Variants in ARHGEF7 observed in about 807,000 individuals in gnomAD.
ARHGEF7 encodes Rho guanine nucleotide exchange factor 7, also known as PAK-interacting exchange factor beta.
ARHGEF7 carries 33 observed loss-of-function variants against 109.8 expected under a neutral mutation model. The ratio of observed to expected loss-of-function variants is 0.30; its 90% CI spans 0.23 to 0.40. The LOEUF is 0.40. ARHGEF7 is among the 10% of genes least tolerant of loss of function. The pLI is 1.00. For synonymous variants in ARHGEF7, 458 were observed against 424.6 expected (o/e 1.08, Z -0.97); for missense variants, 938 against 1,098.5 (o/e 0.85, Z 2.07).
chr13:111,128,986 G>A (rs1327277602), intron 1 of ARHGEF7, among the ~76,000 whole-genome samples: 2 of 152,188 alleles, frequency 1.3e-5, no homozygotes, highest in African/African-American at 2.4e-5. Context: ...AACAGTAATG[G>A]AGTCAGCACA....
At position 111,301,537 on chromosome 13, in the gene ARHGEF7, G is replaced by C; in HGVS notation, c.2466+5G>C. The C allele has an allele frequency of 6.2e-7, 1 of 1,600,680 alleles. No individual in the cohort carries two copies. Among genetic ancestry groups the C allele is most frequent in the Non-Finnish European group, 8.5e-7 (1 of 1,170,008 alleles). On this transcript the variant is annotated splice_donor_5th_base_variant and intron_variant, in intron 21 of 21. Coordinates refer to ENST00000646102, the MANE Select transcript of ARHGEF7 (RefSeq NM_001354046.2). ...GAAGTTCAAGAATTAAGACAGGTAC[G>C]TCATAATCCATCTTTAAATCTTTTT...
At chr13:111,165,445 C>T (rs984028376) in intron 2 of ARHGEF7, among the ~76,000 whole-genome samples, 9 of 152,322 alleles carry the variant, frequency 5.9e-5, no homozygotes, top group African/African-American at 2.2e-4. Flanking sequence ...CAGCACTTAA[C>T]ACGTGCAGTA....
chr13:111,139,801 T>C (rs1359779315), intron 1 of ARHGEF7, among the ~76,000 whole-genome samples: 3 of 152,214 alleles, frequency 2.0e-5, no homozygotes, highest in Non-Finnish European at 4.4e-5. Flanking sequence ...AACTGAGCCA[T>C]GGGCCTGCAG....
intron 19 of ARHGEF7, among the ~76,000 whole-genome samples, chr13:111,297,779 A>G (rs763259610): frequency 6.6e-6 from 1 of 152,228 alleles, no homozygotes; most frequent in Non-Finnish European, 1.5e-5. Flanking sequence ...TTTCTTTACA[A>G]AGTTGACATT....
intron 2 of ARHGEF7, among the ~76,000 whole-genome samples, chr13:111,196,510 A>G (rs2080519904): frequency 6.6e-6 from 1 of 152,106 alleles, no homozygotes; most frequent in Non-Finnish European, 1.5e-5. Context: ...TCATCTGAAA[A>G]CTTCCCCAGG....
At chr13:111,154,537 C>T (rs1336790097) in intron 2 of ARHGEF7, among the ~76,000 whole-genome samples, 1 of 152,144 alleles carries the variant, frequency 6.6e-6, no homozygotes, top group Non-Finnish European at 1.5e-5. Context: ...TTTTTCCGTA[C>T]CCTCAACACT....
chr13:111,215,838 G>A (rs1471553753), intron 4 of ARHGEF7, among the ~76,000 whole-genome samples: 3 of 152,056 alleles, frequency 2.0e-5, no homozygotes, highest in Non-Finnish European at 2.9e-5. Flanking sequence ...CCTCTGAGCC[G>A]CCTTCCATTG....
chr13:111,267,544 C>G lies in ARHGEF7; in HGVS notation c.951-4C>G. 3 of 1,613,818 alleles carry G rather than the reference C, an allele frequency of 1.9e-6. No homozygotes were observed. Among genetic ancestry groups the G allele is most frequent in the Non-Finnish European group, 2.5e-6 (3 of 1,179,818 alleles). Reference sequence around the variant, plus strand: ...CTATTTCCCTTTGTGTCGCATTTCTCCAGGTTGCCCGAAGCTCAGCAGAGA... The same window carrying G: ...CTATTTCCCTTTGTGTCGCATTTCTGCAGGTTGCCCGAAGCTCAGCAGAGA... On this transcript the variant is annotated splice_region_variant and splice_polypyrimidine_tract_variant and intron_variant, in intron 8 of 21. Transcript: ENST00000646102.
chr13:111,300,405 A>C (rs2093537675), intron 19 of ARHGEF7, among the ~76,000 whole-genome samples: 1 of 152,196 alleles, frequency 6.6e-6, no homozygotes, highest in South Asian at 2.1e-4. Context: ...AAACTCTTGG[A>C]ATAATGGCTC....
At chr13:111,142,175 TTAA>T (rs2153359371) in intron 1 of ARHGEF7, among the ~76,000 whole-genome samples, 1 of 152,374 alleles carries the variant, frequency 6.6e-6, no homozygotes, top group East Asian at 1.9e-4. Flanking sequence ...AGTTGTTTTA[TTAA>T]TGAGTTTTAA....
intron 2 of ARHGEF7, among the ~76,000 whole-genome samples, chr13:111,155,212 G>T (rs1291145622): frequency 6.6e-6 from 1 of 152,178 alleles, no homozygotes; most frequent in African/African-American, 2.4e-5. Context: ...AACTGTATAT[G>T]AAAGCATCTT....
intron 1 of ARHGEF7, among the ~76,000 whole-genome samples, chr13:111,121,941 G>A (rs831155): frequency 0.16 from 23,990 of 152,204 alleles, 2,508 homozygotes; most frequent in African/African-American, 0.3. Flanking sequence ...TCCTCAGTAC[G>A]CAGTAGTTAC....
At chr13:111,287,824 T>C (rs2093087767) in intron 17 of ARHGEF7, among the ~76,000 whole-genome samples, 1 of 152,338 alleles carries the variant, frequency 6.6e-6, no homozygotes, top group East Asian at 1.9e-4. Flanking sequence ...TCCGGTTCCA[T>C]AGACAAGATG....
chr13:111,280,406 CCCGCGTG>C lies in ARHGEF7; in HGVS notation c.1585+58_1585+64del. 2.5e-6 allele frequency: 4 copies of C among 1,588,714 alleles called. No homozygotes were observed. In the South Asian group the frequency reaches 4.5e-5, roughly 18 times the overall value. ...TCTCGGGGAGGAGAGGCAGCTTGTC[CCCGCGTG>C]CAGATTCTTGCTTGCGTATTTCAGA... On this transcript the variant is annotated intron_variant, in intron 14 of 21. Transcript: ENST00000646102.
chr13:111,151,215 A>C (rs963624154), intron 1 of ARHGEF7, among the ~76,000 whole-genome samples: 8 of 152,206 alleles, frequency 5.3e-5, no homozygotes, highest in African/African-American at 1.9e-4. Context: ...CAGCATTGAA[A>C]ACCTGCTCTT....
intron 2 of ARHGEF7, chr13:111,202,956 C>G (rs1044816508): frequency 1.8e-6 from 1 of 570,964 alleles, no homozygotes; most frequent in Non-Finnish European, 2.6e-6. Context: ...CACTTAAACT[C>G]TGATGTCATA....
Position 111,292,258 on chromosome 13 carries a change from T to C in ARHGEF7, c.2275T>C (p.Trp759Arg), listed in dbSNP as rs1660752156. ...LSEDSDYDSI[W>R]TAHSYRMGST... ...GGAAGACTCTGACTATGACAGTATA[T>C]GGACAGCCCATAGTTACAGAATGGG... The change falls in exon 19 of 22, where the codon TGG (tryptophan) becomes CGG (arginine). Residue 759 changes from tryptophan (W) to arginine (R), a missense_variant. By Grantham distance (101) the Trp-to-Arg change is moderately radical (BLOSUM62 -3). This residue lies in a region of ARHGEF7 where 166 missense variants were observed against 167.3 expected (regional missense o/e 0.99). Transcript: ENST00000646102. The C allele has an allele frequency of 1.9e-6, 3 of 1,614,136 alleles. No homozygotes were observed. Among genetic ancestry groups the C allele is most frequent in the African/African-American group, 2.7e-5 (2 of 74,954 alleles).
At chr13:111,224,154 G>A (rs570115728) in intron 5 of ARHGEF7, among the ~76,000 whole-genome samples, 118 of 152,296 alleles carry the variant, frequency 7.7e-4, no homozygotes, top group African/African-American at 2.7e-3. Context: ...CGCAGCCAGC[G>A]TCTACAGCAT....
rs1056644636 is a variant in ARHGEF7 at position 111,272,623 on chromosome 13, G to A, written c.1074-1191G>A. Reference sequence around the variant, plus strand: ...ACTAGAGACCCCTATCTTCTAGGATGGGGCGTGGTGATGGGGCGGGGGTCA... The same window carrying A: ...ACTAGAGACCCCTATCTTCTAGGATAGGGCGTGGTGATGGGGCGGGGGTCA... On this transcript the variant is annotated intron_variant, in intron 9 of 21. Transcript: ENST00000646102. This position sits in a 1 kb window ranked among gnomAD's most constrained non-coding sequence, Gnocchi z 5.2. Among the ~76,000 whole-genome samples, 47 of 152,160 alleles carry A rather than the reference G, an allele frequency of 3.1e-4. No individual in the cohort carries two copies. The highest frequency in any genetic ancestry group is 5.1e-4 in the Non-Finnish European group (35 of 68,018).
Sources: allele counts gnomAD v4.1 joint callset (sites outside exome capture counted in the v4.1 genomes callset), GRCh38; gene constraint gnomAD v4.1.1; regional missense constraint gnomAD v4.1.1; non-coding constraint Gnocchi (gnomAD v3.1); transcripts MANE v1.5; gene names NCBI Gene and HGNC (gene_info 2026-07-23, HGNC 2026-07-21).